The following FRRS1 variants were observed in gnomAD, a reference collection of about 807,000 sequenced individuals.
The protein encoded by FRRS1 is ferric chelate reductase 1.
FRRS1 carries 51 observed loss-of-function variants against 70.7 expected under a neutral mutation model. The ratio of observed to expected loss-of-function variants is 0.72; its 90% CI spans 0.58 to 0.91. FRRS1 has a LOEUF of 0.91. FRRS1 is among the 40% of genes least tolerant of loss of function. The pLI is 0.00. For missense variants in FRRS1, 672 were observed against 726.0 expected (o/e 0.93, Z 0.86); for synonymous variants, 225 against 238.7 (o/e 0.94, Z 0.53).
In FRRS1 at chr1:99,748,733, T is replaced by C. The variant is rs142138388; in HGVS notation, c.36A>G (p.Ile12Met). Reference sequence around the variant, plus strand: ...CCACATAACTAATGTGCAACAGAAGTATGCAGGTACCAAGAGTAAATCCAG... The same window carrying C: ...CCACATAACTAATGTGCAACAGAAGCATGCAGGTACCAAGAGTAAATCCAG... ...AVSGFTLGTC[I>M]LLLHISYVAN... is the part of the protein sequence containing the mutation. Residue 12 changes from isoleucine (I) to methionine (M), a missense_variant, in exon 3 of 17, where the codon ATA becomes ATG. Coordinates refer to ENST00000646001, the MANE Select transcript of FRRS1 (RefSeq NM_001361041.2). 7.1e-5 allele frequency: 114 copies of C among 1,614,004 alleles called. No individual in the cohort carries two copies. The African/African-American group carries it at 1.3e-3, about 18-fold the overall frequency.
chr1:99,715,769 T>C (rs1557684391), intron 11 of FRRS1, 97 bp from the exon 12 acceptor site: 3 of 768,824 alleles, frequency 3.9e-6, no homozygotes, highest in African/African-American at 1.7e-5. Flanking sequence ...TGGGGTAAGA[T>C]TCACTGAAGG....
At chr1:99,721,454 T>TA (rs1442182198) in intron 9 of FRRS1, among the ~76,000 whole-genome samples, 7 of 151,178 alleles carry the variant, frequency 4.6e-5, no homozygotes, top group African/African-American at 1.5e-4. Flanking sequence ...CCATTTTATA[T>TA]AAAAACACTG....
intron 1 of FRRS1, among the ~76,000 whole-genome samples, chr1:99,754,840 C>T (rs368245764): frequency 3.7e-4 from 56 of 152,280 alleles, no homozygotes; most frequent in African/African-American, 1.2e-3. Flanking sequence ...TCCTGTTAAA[C>T]GCCAGATATT....
chr1:99,712,368 C>T, intron 13 of FRRS1, 50 bp downstream of exon 13: 1 of 1,284,558 alleles, frequency 7.8e-7, no homozygotes, highest in Non-Finnish European at 1.1e-6. Flanking sequence ...AGTTTGCCAA[C>T]TAATGATATC....
In FRRS1 at chr1:99,715,658, G is replaced by A. The variant is rs768559326; in HGVS notation, c.1251C>T (p.Leu417=). ...EAAWFQVHRM[L]MFTTTVLTCI... is the part of the protein sequence containing the mutation. Reference sequence around the variant, plus strand: ...AGGTGAGGACAGTTGTGGTGAACATGAGCATCCGATGCACCTGCAAGGTAA... The same window carrying A: ...AGGTGAGGACAGTTGTGGTGAACATAAGCATCCGATGCACCTGCAAGGTAA... The change falls in exon 12 of 17, where the codon CTC becomes CTT. Residue 417 remains leucine, a synonymous_variant. Transcript: ENST00000646001. The A allele has an allele frequency of 5.1e-5, 83 of 1,612,174 alleles. No homozygotes were observed. Among genetic ancestry groups the A allele is most frequent in the Middle Eastern group, 5.0e-4 (3 of 6,060 alleles).
intron 15 of FRRS1, 64 bp downstream of exon 15, chr1:99,710,742 G>T (rs1030884287): frequency 7.1e-7 from 1 of 1,414,746 alleles, no homozygotes; most frequent in Non-Finnish European, 9.8e-7. Flanking sequence ...ATCGGGAAGC[G>T]CATTCTTTTC....
intron 9 of FRRS1, among the ~76,000 whole-genome samples, chr1:99,723,984 C>T (rs988426356): frequency 3.9e-5 from 6 of 152,158 alleles, no homozygotes; most frequent in African/African-American, 1.4e-4. Flanking sequence ...AGAAAACTAT[C>T]AAACATGACA....
intron 1 of FRRS1, among the ~76,000 whole-genome samples, chr1:99,759,790 C>A (rs1485968751): frequency 6.6e-6 from 1 of 152,174 alleles, no homozygotes; most frequent in Admixed American, 6.5e-5. Flanking sequence ...CTGATGGAAT[C>A]CTTATAAGCA....
intron 1 of FRRS1, among the ~76,000 whole-genome samples, chr1:99,763,072 A>G (rs1340249767): frequency 6.6e-6 from 1 of 152,198 alleles, no homozygotes; most frequent in Non-Finnish European, 1.5e-5. Context: ...AACACTCAGC[A>G]GCTTCCCAAG....
chr1:99,747,657 A>C, intron 3 of FRRS1: 1 of 459,368 alleles, frequency 2.2e-6, no homozygotes, highest in Non-Finnish European at 3.9e-6. Context: ...CCGCAAAGAG[A>C]AAAGAAAAAT....
chr1:99,717,832 G>A (rs892378196), intron 10 of FRRS1, among the ~76,000 whole-genome samples: 1 of 152,074 alleles, frequency 6.6e-6, no homozygotes, highest in African/African-American at 2.4e-5. Context: ...GCTGAATGGA[G>A]AAACAAAGCC....
chr1:99,711,411 G>A (rs965316558), intron 14 of FRRS1: 1 of 154,016 alleles, frequency 6.5e-6, no homozygotes, highest in Non-Finnish European at 1.4e-5. Context: ...AATTCATGTA[G>A]GATAATCACT....
intron 1 of FRRS1, among the ~76,000 whole-genome samples, chr1:99,758,713 G>A (rs553666435): frequency 2.0e-5 from 3 of 151,970 alleles, no homozygotes; most frequent in Non-Finnish European, 4.4e-5. Context: ...CTGCCTGCGG[G>A]GTTGGGCAAA....
chr1:99,712,392 C>T, intron 13 of FRRS1, 26 bp downstream of exon 13: 1 of 1,434,296 alleles, frequency 7.0e-7, no homozygotes, highest in Non-Finnish European at 9.7e-7. Flanking sequence ...ATTAAGAGAG[C>T]ATTTATATAG....
At chr1:99,709,942 T>G (rs1027305639) in intron 15 of FRRS1, among the ~76,000 whole-genome samples, 12 of 152,068 alleles carry the variant, frequency 7.9e-5, no homozygotes, top group African/African-American at 2.9e-4. Flanking sequence ...CACTCCAGCC[T>G]AAATGACAGA....
intron 7 of FRRS1, among the ~76,000 whole-genome samples, chr1:99,731,004 C>A (rs1655353425): frequency 6.6e-6 from 1 of 152,000 alleles, no homozygotes; most frequent in African/African-American, 2.4e-5. Context: ...CCACTGCACA[C>A]CAGCCTGGGC....
intron 9 of FRRS1, among the ~76,000 whole-genome samples, chr1:99,727,201 T>C (rs547189987): frequency 6.6e-6 from 1 of 152,352 alleles, no homozygotes; most frequent in East Asian, 1.9e-4. Context: ...CTATCTAAAA[T>C]GCTTAGCCAC....
intron 1 of FRRS1, among the ~76,000 whole-genome samples, chr1:99,750,083 G>T (rs1482235926): frequency 6.6e-6 from 1 of 152,138 alleles, no homozygotes; most frequent in African/African-American, 2.4e-5. Context: ...ACCTGCTGGG[G>T]TTTTATCAGA....
chr1:99,757,988 T>TATA (rs1168259935), intron 1 of FRRS1, among the ~76,000 whole-genome samples: 1 of 151,150 alleles, frequency 6.6e-6, no homozygotes, highest in Non-Finnish European at 1.5e-5. Flanking sequence ...AACAGTCTAT[T>TATA]GTCTGTGCCT....
Sources: gnomAD v4.1 joint callset for allele counts (sites outside exome capture counted in the v4.1 genomes callset) on GRCh38, gnomAD v4.1.1 for gene constraint, MANE v1.5 for transcripts, NCBI Gene and HGNC (gene_info 2026-07-23, HGNC 2026-07-21) for gene names.